MYRIP: variants seen among roughly 807,000 people sequenced by gnomAD.
The protein encoded by MYRIP is myosin VIIA and Rab interacting protein.
A neutral mutation model predicts 98.0 loss-of-function variants in MYRIP; 49 were observed. That is an observed-to-expected ratio of 0.50 (90% CI 0.40 to 0.63). The LOEUF (loss-of-function observed/expected upper bound fraction) is 0.63. MYRIP is among the 30% of genes least tolerant of loss of function. The pLI is 0.00. For synonymous variants in MYRIP, 404 were observed against 409.5 expected (o/e 0.99, Z 0.16); for missense variants, 1,004 against 1,058.2 (o/e 0.95, Z 0.71).
chr3:39,825,817 T>C (rs1232957870), intron 1 of MYRIP, among the ~76,000 whole-genome samples: 3 of 152,158 alleles, frequency 2.0e-5, no homozygotes, highest in Non-Finnish European at 2.9e-5. Flanking sequence ...CCTGAGATTT[T>C]CTTTTTTGGG....
intron 7 of MYRIP, among the ~76,000 whole-genome samples, chr3:40,168,660 A>G (rs1026941315): frequency 2.2e-4 from 34 of 152,372 alleles, no homozygotes; most frequent in African/African-American, 6.3e-4. Context: ...CTGGGGCCCA[A>G]CTGAGGGCAC....
intron 2 of MYRIP, among the ~76,000 whole-genome samples, chr3:39,941,107 A>G: frequency 6.6e-6 from 1 of 152,098 alleles, no homozygotes; most frequent in Non-Finnish European, 1.5e-5. Context: ...TACAAGAGGA[A>G]GGGGAGACAA....
At chr3:39,910,272 A>T (rs1943988933) in intron 2 of MYRIP, among the ~76,000 whole-genome samples, 1 of 152,226 alleles carries the variant, frequency 6.6e-6, no homozygotes, top group Non-Finnish European at 1.5e-5. Flanking sequence ...ACAGAGTAAG[A>T]AGTGAATTCA....
At chr3:40,199,535 T>C (rs934920359) in intron 10 of MYRIP, among the ~76,000 whole-genome samples, 23 of 152,012 alleles carry the variant, frequency 1.5e-4, no homozygotes, top group Non-Finnish European at 4.4e-5. Flanking sequence ...GAGTTGGAGG[T>C]AGTAGTGACA....
At chr3:40,116,491 C>G (rs369324254) in intron 3 of MYRIP, among the ~76,000 whole-genome samples, 47 of 152,318 alleles carry the variant, frequency 3.1e-4, no homozygotes, top group African/African-American at 1.0e-3. Context: ...TCCCTTGTCC[C>G]TGAGAGTAGA....
Position 40,258,352 on chromosome 3 carries a change from C to T in MYRIP, c.*186C>T, listed in dbSNP as rs964408333. On this transcript the variant is annotated 3_prime_UTR_variant, in exon 17 of 17. Transcript: ENST00000302541. ...AAAGCCGTCTCAGACTTCAGCACTG[C>T]GGTCTTGCCCACTCTCTGCCTTAGG... 11 of 597,896 alleles carry T rather than the reference C, an allele frequency of 1.8e-5. No individual in the cohort carries two copies. The highest frequency in any genetic ancestry group is 1.6e-4 in the South Asian group (7 of 43,794). The allele number at this position is 597,896 out of a possible 1,614,324, so 37.0% of individuals were successfully genotyped here.
chr3:39,933,390 C>T (rs2125702044), intron 2 of MYRIP, among the ~76,000 whole-genome samples: 1 of 152,316 alleles, frequency 6.6e-6, no homozygotes, highest in East Asian at 1.9e-4. Flanking sequence ...GTTAGAATCA[C>T]AAAATCACTC....
At chr3:40,142,446 C>T (rs1322462920) in intron 3 of MYRIP, among the ~76,000 whole-genome samples, 3 of 151,976 alleles carry the variant, frequency 2.0e-5, no homozygotes, top group South Asian at 4.2e-4. Flanking sequence ...GTGTAATTAT[C>T]CTCAGGGATT....
intron 2 of MYRIP, among the ~76,000 whole-genome samples, chr3:39,980,810 AATATCT>A: frequency 6.6e-6 from 1 of 152,196 alleles, no homozygotes; most frequent in East Asian, 1.9e-4. Context: ...TTTTATTCAA[AATATCT>A]ATAAGTGCCT....
At chr3:39,898,704 T>A (rs1943673588) in intron 1 of MYRIP, among the ~76,000 whole-genome samples, 1 of 152,132 alleles carries the variant, frequency 6.6e-6, no homozygotes, top group African/African-American at 2.4e-5. Context: ...GTCAATAGGA[T>A]TTTATGGGAA....
At chr3:39,845,014 C>G (rs145640219) in intron 1 of MYRIP, among the ~76,000 whole-genome samples, 1 of 152,190 alleles carries the variant, frequency 6.6e-6, no homozygotes, top group Non-Finnish European at 1.5e-5. Flanking sequence ...GAGCAGGATA[C>G]TCATATGTGC....
At chr3:39,899,921 A>C (rs949511492) in intron 1 of MYRIP, among the ~76,000 whole-genome samples, 7 of 152,270 alleles carry the variant, frequency 4.6e-5, no homozygotes, top group African/African-American at 1.7e-4. Context: ...CCCAGGTTCA[A>C]ACGATTCTCC....
At position 39,824,327 on chromosome 3, in the gene MYRIP, C is replaced by A. The variant is rs530216317; in HGVS notation, c.-31+14411C>A. Among the ~76,000 whole-genome samples the A allele has an allele frequency of 2.6e-5, 4 of 152,128 alleles. No homozygotes were observed. In the South Asian group the frequency reaches 8.3e-4, roughly 32 times the overall value. On this transcript the variant is annotated intron_variant, in intron 1 of 16. Coordinates refer to ENST00000302541, the MANE Select transcript of MYRIP (RefSeq NM_015460.4). ...TTCTCTTTGCTCTGGATTGCTTTGG[C>A]TGTTTGGGGTCTTTTGTGGTTCCAT...
chr3:39,955,979 T>G (rs2125724437), intron 2 of MYRIP, among the ~76,000 whole-genome samples: 1 of 152,306 alleles, frequency 6.6e-6, no homozygotes, highest in South Asian at 2.1e-4. Flanking sequence ...AAGAGCTAAC[T>G]ATCCTAAATA....
intron 2 of MYRIP, among the ~76,000 whole-genome samples, chr3:39,957,808 G>C (rs1945207468): frequency 6.6e-6 from 1 of 152,180 alleles, no homozygotes; most frequent in Non-Finnish European, 1.5e-5. Flanking sequence ...ATCTCCGTAA[G>C]CTGATAAGCA....
At chr3:40,137,165 G>T (rs551581331) in intron 3 of MYRIP, among the ~76,000 whole-genome samples, 13 of 151,874 alleles carry the variant, frequency 8.6e-5, no homozygotes, top group African/African-American at 2.9e-4. Flanking sequence ...AAAGAGAGAA[G>T]AATCAAATAG....
chr3:39,938,095 A>T (rs1387095201), intron 2 of MYRIP, among the ~76,000 whole-genome samples: 1 of 152,284 alleles, frequency 6.6e-6, no homozygotes, highest in East Asian at 1.9e-4. Flanking sequence ...TAACCAGCAC[A>T]CAGATCAAGA....
intron 3 of MYRIP, among the ~76,000 whole-genome samples, chr3:40,092,560 C>T (rs1948751567): frequency 6.6e-6 from 1 of 152,186 alleles, no homozygotes; most frequent in Non-Finnish European, 1.5e-5. Context: ...TCAGGTTGGT[C>T]ACCCAGAACC....
chr3:39,972,967 G>A (rs1220045328), intron 2 of MYRIP, among the ~76,000 whole-genome samples: 1 of 151,872 alleles, frequency 6.6e-6, no homozygotes, highest in Admixed American at 6.6e-5. Context: ...TAAAATGCAT[G>A]TGTAGTAAGA....
Sources: allele counts gnomAD v4.1 joint callset (sites outside exome capture counted in the v4.1 genomes callset), GRCh38; gene constraint gnomAD v4.1.1; transcripts MANE v1.5; gene names NCBI Gene and HGNC (gene_info 2026-07-23, HGNC 2026-07-21).